The following TMEM116 variants were observed in gnomAD, a reference collection of about 807,000 sequenced individuals.
TMEM116 encodes transmembrane protein 116.
In TMEM116, 38 loss-of-function variants were observed where a neutral mutation model predicts 44.3. The ratio of observed to expected loss-of-function variants is 0.86; its 90% confidence interval spans 0.66 to 1.12. TMEM116 has a LOEUF of 1.12. TMEM116 is among the 50% of genes most tolerant of loss of function. The pLI is 0.00. For missense variants in TMEM116, 354 were observed against 401.7 expected, an observed-to-expected ratio of 0.88 and a Z score of 1.01; for synonymous variants, 132 against 144.8, an observed-to-expected ratio of 0.91 and a Z score of 0.64.
intron 7 of TMEM116, 113 bp downstream of exon 7, chr12:111,937,047 T>G: frequency 1.8e-6 from 2 of 1,113,916 alleles, no homozygotes; most frequent in Non-Finnish European, 2.6e-6. Flanking sequence ...CTTAGCCCAT[T>G]TCTAATATTA....
At chr12:112,009,564 G>A (rs2077744570) in intron 1 of TMEM116, among the ~76,000 whole-genome samples, 1 of 150,298 alleles carries the variant, frequency 6.7e-6, no homozygotes, top group Non-Finnish European at 1.5e-5. Flanking sequence ...AATGCTGGGT[G>A]CAGTGGGTCA....
chr12:111,997,764 G>A (rs1373145070), intron 3 of TMEM116, among the ~76,000 whole-genome samples: 2 of 152,036 alleles, frequency 1.3e-5, no homozygotes, highest in Non-Finnish European at 2.9e-5. Flanking sequence ...AGGGTTAGAT[G>A]GTCAAGTTGC....
intron 4 of TMEM116, among the ~76,000 whole-genome samples, chr12:111,971,208 C>T (rs2075313969): frequency 1.3e-5 from 2 of 151,902 alleles, no homozygotes; most frequent in South Asian, 4.2e-4. Flanking sequence ...GGGATCTACA[C>T]AAAAAAATGA....
chr12:111,968,790 C>G (rs2075131023), intron 4 of TMEM116, among the ~76,000 whole-genome samples: 1 of 151,528 alleles, frequency 6.6e-6, no homozygotes, highest in Non-Finnish European at 1.5e-5. Flanking sequence ...GTCAGGAGTT[C>G]TAGACTAGCC....
In TMEM116 at chr12:111,940,567, G is replaced by GTGTA. The variant is rs375506009; in HGVS notation, c.316-2358_316-2357insTACA. ...TATACACACACACATATATATGTGT[G>GTGTA]TATATATATATATATATCTTCGGCT... On this transcript the variant is annotated intron_variant, in intron 5 of 10. Coordinates refer to ENST00000552374, the MANE Select transcript of TMEM116 (RefSeq NM_001193531.2). Among the ~76,000 whole-genome samples, 7 of 130,216 alleles carry GTGTA rather than the reference G, an allele frequency of 5.4e-5. No individual in the cohort carries two copies. The East Asian group carries it at 1.7e-3, about 32-fold the overall frequency. 85.4% of individuals were successfully genotyped at this position (130,216 alleles called of 152,430 possible). A position where few individuals can be genotyped will look rare whatever the true frequency, so the allele number is the denominator to read the frequency against.
chr12:111,957,722 C>T (rs181082875), intron 4 of TMEM116, among the ~76,000 whole-genome samples: 176 of 152,004 alleles, frequency 1.2e-3, no homozygotes, highest in African/African-American at 4.1e-3. Context: ...CTGGCAGCCC[C>T]GTCTGGGAAG....
Position 111,991,741 on chromosome 12 carries a change from A to G in TMEM116, c.210+17T>C, listed in dbSNP as rs763825900. On this transcript the variant is annotated intron_variant, in intron 4 of 10. Transcript: ENST00000552374. ...TGCCTTTCTTGCAAGGTGCAGTGACAGTCTTGTAGCACTCACCTGTCCAAC... is the reference window on the plus strand; with the variant it reads ...TGCCTTTCTTGCAAGGTGCAGTGACGGTCTTGTAGCACTCACCTGTCCAAC... 131 of 1,532,816 alleles carry G rather than the reference A, an allele frequency of 8.5e-5. No homozygotes were observed. The highest frequency in any genetic ancestry group is 5.0e-4 in the Middle Eastern group (3 of 5,992). 95.0% of individuals were successfully genotyped at this position (1,532,816 alleles called of 1,614,324 possible).
At chr12:111,939,877 GCT>G (rs1491107439) in intron 5 of TMEM116, among the ~76,000 whole-genome samples, 7 of 115,182 alleles carry the variant, frequency 6.1e-5, no homozygotes, top group East Asian at 3.6e-4. Context: ...TATCTTCAAA[GCT>G]CTGTGTGTGT....
At chr12:111,983,117 G>A (rs901317137) in intron 4 of TMEM116, among the ~76,000 whole-genome samples, 1 of 151,096 alleles carries the variant, frequency 6.6e-6, no homozygotes, top group African/African-American at 2.4e-5. Context: ...GCAACATAGC[G>A]AGACCTTGTC....
At chr12:111,965,307 T>C (rs2074908153) in intron 4 of TMEM116, among the ~76,000 whole-genome samples, 1 of 152,178 alleles carries the variant, frequency 6.6e-6, no homozygotes, top group Admixed American at 6.5e-5. Flanking sequence ...TACTTTTCAG[T>C]TGTATATCCC....
At chr12:111,984,787 A>T (rs1007679808) in intron 4 of TMEM116, among the ~76,000 whole-genome samples, 1 of 152,092 alleles carries the variant, frequency 6.6e-6, no homozygotes, top group Non-Finnish European at 1.5e-5. Context: ...GTATCAAAAC[A>T]TTTCATGTAC....
At chr12:111,958,137 G>C in intron 4 of TMEM116, among the ~76,000 whole-genome samples, 1 of 145,088 alleles carries the variant, frequency 6.9e-6, no homozygotes, top group East Asian at 2.0e-4. Context: ...CAAACACTGC[G>C]GAAGGCGGCA....
chr12:111,968,337 C>A (rs1000629869), intron 4 of TMEM116, among the ~76,000 whole-genome samples: 3 of 151,924 alleles, frequency 2.0e-5, no homozygotes, highest in Admixed American at 2.0e-4. Flanking sequence ...AAATAATTAT[C>A]CTGAGAATGA....
intron 4 of TMEM116, among the ~76,000 whole-genome samples, chr12:111,973,457 G>A (rs2075482251): frequency 6.6e-6 from 1 of 152,058 alleles, no homozygotes; most frequent in South Asian, 2.1e-4. Flanking sequence ...GTCCAGCCTA[G>A]GCAACATAAA....
chr12:111,957,632 G>A (rs2074244995), intron 4 of TMEM116, among the ~76,000 whole-genome samples: 1 of 149,034 alleles, frequency 6.7e-6, no homozygotes, highest in Admixed American at 6.6e-5. Flanking sequence ...GGGCCCCTCT[G>A]CCCGGCTGCC....
intron 4 of TMEM116, among the ~76,000 whole-genome samples, chr12:111,945,258 C>T (rs1046928232): frequency 9.1e-5 from 13 of 142,384 alleles, no homozygotes; most frequent in Admixed American, 6.6e-4. Context: ...GCAGGAGAAT[C>T]GCTTGAACCC....
At chr12:111,934,264 G>C (rs1452118546) in intron 8 of TMEM116, 4 of 458,648 alleles carry the variant, frequency 8.7e-6, no homozygotes, top group Non-Finnish European at 1.6e-5. Context: ...TGTGTATCAC[G>C]TTTAACACAT....
At chr12:111,983,131 C>T (rs1223323402) in intron 4 of TMEM116, among the ~76,000 whole-genome samples, 2 of 151,056 alleles carry the variant, frequency 1.3e-5, no homozygotes, top group Non-Finnish European at 3.0e-5. Flanking sequence ...CCTTGTCTAT[C>T]TCTCTAAAAA....
chr12:111,997,180 T>G (rs1339299207), intron 3 of TMEM116, among the ~76,000 whole-genome samples: 1 of 152,210 alleles, frequency 6.6e-6, no homozygotes, highest in African/African-American at 2.4e-5. Flanking sequence ...TTTATAATCA[T>G]TCTTTAAATA....
Sources: allele counts gnomAD v4.1 joint callset (sites outside exome capture counted in the v4.1 genomes callset), GRCh38; gene constraint gnomAD v4.1.1; transcripts MANE v1.5; gene names NCBI Gene and HGNC (gene_info 2026-07-23, HGNC 2026-07-21).